DCC: variants seen among roughly 807,000 people sequenced by gnomAD.
DCC encodes the protein netrin receptor DCC.
A neutral mutation model predicts 172.5 loss-of-function variants in DCC; 58 were observed. The ratio of observed to expected loss-of-function variants is 0.34; its 90% CI spans 0.27 to 0.42. The LOEUF is 0.42. Ranked by LOEUF, DCC falls within the 10% of genes least tolerant of loss-of-function variation. DCC has a pLI of 1.00. For missense variants in DCC, 1,740 were observed against 1,791.0 expected (o/e 0.97, Z 0.51); for synonymous variants, 709 against 644.5 (o/e 1.10, Z -1.52).
intron 1 of DCC, among the ~76,000 whole-genome samples, chr18:52,468,356 G>C (rs1332394914): frequency 6.6e-6 from 1 of 152,192 alleles, no homozygotes; most frequent in African/African-American, 2.4e-5. Context: ...AAGGAGCAGA[G>C]ACAAAGATGA....
intron 1 of DCC, among the ~76,000 whole-genome samples, chr18:52,683,046 G>C (rs1422993273): frequency 2.0e-5 from 3 of 152,046 alleles, no homozygotes; most frequent in Non-Finnish European, 4.4e-5. Context: ...AGACCACATA[G>C]GATACGTGGC....
At chr18:52,927,263 A>G (rs1425405878) in intron 5 of DCC, among the ~76,000 whole-genome samples, 1 of 150,174 alleles carries the variant, frequency 6.7e-6, no homozygotes, top group Non-Finnish European at 1.5e-5. Flanking sequence ...ACATATATGC[A>G]CATATATACT....
chr18:53,491,353 T>G (rs923396085), intron 26 of DCC, among the ~76,000 whole-genome samples: 1 of 152,150 alleles, frequency 6.6e-6, no homozygotes, highest in African/African-American at 2.4e-5. Flanking sequence ...AAACTTACAA[T>G]CACAATAATG....
intron 5 of DCC, among the ~76,000 whole-genome samples, chr18:53,008,025 C>G (rs55749022): frequency 0.54 from 81,856 of 151,940 alleles, 22,560 homozygotes; most frequent in Non-Finnish European, 0.6. Context: ...AGAGATTTTA[C>G]TATTCCAAGA....
intron 1 of DCC, among the ~76,000 whole-genome samples, chr18:52,595,868 G>A (rs2033900290): frequency 6.6e-6 from 1 of 152,180 alleles, no homozygotes. Flanking sequence ...CCAGGTGGCA[G>A]ATGCCAGACC....
chr18:53,217,232 C>T (rs2055865159), intron 12 of DCC, among the ~76,000 whole-genome samples: 1 of 149,508 alleles, frequency 6.7e-6, no homozygotes, highest in Non-Finnish European at 1.5e-5. Flanking sequence ...AGACGGAATT[C>T]CTGGATTGCA....
chr18:53,376,611 G>C (rs568444993), intron 15 of DCC, among the ~76,000 whole-genome samples: 1 of 152,274 alleles, frequency 6.6e-6, no homozygotes, highest in South Asian at 2.1e-4. Context: ...ATTTGGAAGA[G>C]TGTCTGGAGT....
rs1470840236 is a variant in DCC, at chr18:52,726,827, A to T, written c.92-25227A>T. Among the ~76,000 whole-genome samples, 5 of 152,330 alleles carry T rather than the reference A, an allele frequency of 3.3e-5. No homozygotes were observed. In the East Asian group the frequency reaches 7.7e-4, roughly 23 times the overall value. ...CCAAATCATAGATCAGATGTGAGGA[A>T]TATTCTAGGTCATGTATAAGCTATT... On this transcript the variant is annotated intron_variant, in intron 1 of 28. Coordinates refer to ENST00000442544, the MANE Select transcript of DCC (RefSeq NM_005215.4).
At chr18:53,404,926 C>T (rs1241895397) in intron 19 of DCC, among the ~76,000 whole-genome samples, 1 of 151,812 alleles carries the variant, frequency 6.6e-6, no homozygotes, top group Non-Finnish European at 1.5e-5. Flanking sequence ...GTATGGGAGA[C>T]AATGCTTTTG....
chr18:53,515,067 C>T (rs920528282), intron 27 of DCC, among the ~76,000 whole-genome samples: 9 of 151,970 alleles, frequency 5.9e-5, no homozygotes, highest in African/African-American at 1.7e-4. Context: ...ACTGGCAACA[C>T]GAATCCAGCA....
intron 1 of DCC, among the ~76,000 whole-genome samples, chr18:52,633,422 G>T (rs2034713812): frequency 6.6e-6 from 1 of 152,130 alleles, no homozygotes; most frequent in Admixed American, 6.5e-5. Flanking sequence ...CAGATCCTGG[G>T]CTGAAAATAA....
At chr18:53,472,640 G>T (rs899504389) in intron 25 of DCC, among the ~76,000 whole-genome samples, 2 of 151,818 alleles carry the variant, frequency 1.3e-5, no homozygotes, top group African/African-American at 4.8e-5. Flanking sequence ...TGAATCCCTG[G>T]CTATCCTCCC....
intron 2 of DCC, among the ~76,000 whole-genome samples, chr18:52,832,610 G>A (rs7232349): frequency 0.24 from 36,236 of 151,990 alleles, 5,316 homozygotes; most frequent in African/African-American, 0.42. Context: ...TCAATATTAA[G>A]TTTGGTAGAC....
chr18:53,000,834 A>G (rs1009613271), intron 5 of DCC, among the ~76,000 whole-genome samples: 2 of 151,968 alleles, frequency 1.3e-5, no homozygotes, highest in African/African-American at 4.8e-5. Flanking sequence ...ATTAAATTAT[A>G]TAAACTTATA....
chr18:52,923,967 A>G lies in DCC; in HGVS notation c.848+110A>G, dbSNP rs1280180100. ...ACCTACAGTACTAGGGTTTTTCATA[A>G]TAATTGAATATTTTTCCACATTTCT... On this transcript the variant is annotated intron_variant, in intron 4 of 28. Transcript: ENST00000442544. The G allele has an allele frequency of 1.0e-5, 8 of 801,182 alleles. No individual in the cohort carries two copies. In the East Asian group the frequency reaches 2.1e-4, roughly 21 times the overall value. The allele number at this position is 801,182 out of a possible 1,614,324, so 49.6% of individuals were successfully genotyped here. A position where few individuals can be genotyped will look rare whatever the true frequency, so the allele number is the denominator to read the frequency against.
chr18:53,196,578 G>GT (rs1240280993), intron 9 of DCC, among the ~76,000 whole-genome samples: 1 of 151,910 alleles, frequency 6.6e-6, no homozygotes, highest in Non-Finnish European at 1.5e-5. Flanking sequence ...AGTCACTGAA[G>GT]TTTTTTTCTA....
At chr18:53,433,867 T>C (rs1911783153) in intron 21 of DCC, among the ~76,000 whole-genome samples, 1 of 152,192 alleles carries the variant, frequency 6.6e-6, no homozygotes, top group Non-Finnish European at 1.5e-5. Flanking sequence ...CATGCCGTTT[T>C]ATGCTGAAGA....
At chr18:53,081,547 T>G (rs528887505) in intron 7 of DCC, among the ~76,000 whole-genome samples, 89 of 152,120 alleles carry the variant, frequency 5.9e-4, no homozygotes, top group African/African-American at 2.1e-3. Flanking sequence ...TCCTCCACTC[T>G]CTGTGAAACC....
intron 2 of DCC, among the ~76,000 whole-genome samples, chr18:52,789,437 A>T (rs2037719610): frequency 6.6e-6 from 1 of 152,182 alleles, no homozygotes; most frequent in African/African-American, 2.4e-5. Flanking sequence ...AGATTCAAGA[A>T]GAGACAAACA....
Sources: allele counts gnomAD v4.1 joint callset (sites outside exome capture counted in the v4.1 genomes callset), GRCh38; gene constraint gnomAD v4.1.1; transcripts MANE v1.5; gene names NCBI Gene and HGNC (gene_info 2026-07-23, HGNC 2026-07-21).